The following STARD9 variants were observed in gnomAD, a reference collection of about 807,000 sequenced individuals.
STARD9 encodes the protein StAR related lipid transfer domain containing 9, also known as stAR-related lipid transfer protein 9.
A neutral mutation model predicts 399.8 loss-of-function variants in STARD9; 346 were observed. That is an observed-to-expected ratio of 0.87 (90% confidence interval 0.79 to 0.95). The LOEUF (loss-of-function observed/expected upper bound fraction) is 0.95. Among genes scored for constraint, STARD9 ranks in the 40% least tolerant of loss-of-function variants. STARD9 has a pLI of 0.00. For synonymous variants in STARD9, 2,203 were observed against 2,143.5 expected (o/e 1.03, Z -0.77); for missense variants, 5,832 against 5,667.5 (o/e 1.03, Z -0.93).
intron 18 of STARD9, 171 bp from the exon 19 acceptor site, chr15:42,675,492 AT>A: frequency 1.7e-6 from 1 of 596,400 alleles, no homozygotes. Flanking sequence ...TGTCTGTCTT[AT>A]TAATTCAAGA....
chr15:42,663,190 C>G, intron 11 of STARD9, 91 bp from the exon 12 acceptor site: 1 of 1,193,322 alleles, frequency 8.4e-7, no homozygotes, highest in South Asian at 1.5e-5. Flanking sequence ...AAATATGATA[C>G]TTAAGTCTGT....
intron 3 of STARD9, among the ~76,000 whole-genome samples, chr15:42,603,866 TC>T (rs199708541): frequency 0.017 from 2,514 of 152,216 alleles, 29 homozygotes; most frequent in Admixed American, 0.028. Flanking sequence ...TATCTTTGGT[TC>T]AAAGAACCAA....
Position 42,693,412 on chromosome 15 carries a change from G to C in STARD9, c.11834G>C (p.Arg3945Thr). 1 of 1,537,134 alleles carries C rather than the reference G, an allele frequency of 6.5e-7. No individual in the cohort carries two copies. Among genetic ancestry groups the C allele is most frequent in the Non-Finnish European group, 8.7e-7 (1 of 1,146,880 alleles). Residue 3945 changes from arginine to threonine, a missense_variant, in exon 23 of 33, where the codon AGG becomes ACG. Around this residue, in one of 2 missense-constraint regions of STARD9, gnomAD observed 5,828 missense variants for 5,651.1 expected, o/e 1.03. Coordinates refer to ENST00000290607, the MANE Select transcript of STARD9 (RefSeq NM_020759.3). ...AGCCCAGACCCTGTTGATGCCCCAA[G>C]GACTCCAATGGATAATTATTCCCAA... ...DSSPDPVDAPRTPMDNYSQTT... is the reference protein window; with the variant it reads ...DSSPDPVDAPTTPMDNYSQTT...
intron 3 of STARD9, among the ~76,000 whole-genome samples, chr15:42,624,746 G>A (rs1387842678): frequency 3.3e-5 from 5 of 151,760 alleles, no homozygotes; most frequent in Non-Finnish European, 5.9e-5. Context: ...ACAGGGTTTC[G>A]CCATGTTGGC....
chr15:42,638,673 A>T (rs1279569971), intron 6 of STARD9, 27 bp from the exon 7 acceptor site: 1 of 1,440,390 alleles, frequency 6.9e-7, no homozygotes, highest in African/African-American at 1.4e-5. Context: ...AAATATAATT[A>T]TGTTGCCTTT....
chr15:42,618,738 A>G (rs2059023369), intron 3 of STARD9, among the ~76,000 whole-genome samples: 1 of 152,032 alleles, frequency 6.6e-6, no homozygotes, highest in Non-Finnish European at 1.5e-5. Flanking sequence ...CTGGGACTAC[A>G]GGAGTGCACC....
At chr15:42,682,652 C>T (rs575967205) in intron 22 of STARD9, 77 bp downstream of exon 22, 17 of 1,157,248 alleles carry the variant, frequency 1.5e-5, no homozygotes, top group Non-Finnish European at 1.9e-5. Flanking sequence ...TTCTGTTTTT[C>T]CCCATGCCTC....
At chr15:42,708,303 A>G (rs1328428279) in intron 26 of STARD9, among the ~76,000 whole-genome samples, 1 of 152,264 alleles carries the variant, frequency 6.6e-6, no homozygotes, top group East Asian at 1.9e-4. Flanking sequence ...TTAGCAAACT[A>G]TGGCCCTTTG....
At chr15:42,696,963 G>GT (rs1445514435) in intron 26 of STARD9, among the ~76,000 whole-genome samples, 20 of 152,222 alleles carry the variant, frequency 1.3e-4, no homozygotes, top group Non-Finnish European at 2.5e-4. Flanking sequence ...GAGCTCATAA[G>GT]TAAGATCTGG....
Position 42,689,633 on chromosome 15 carries a change from C to T in STARD9, c.8055C>T (p.Phe2685=), listed in dbSNP as rs561253293. The change falls in exon 23 of 33, where the codon TTC becomes TTT. Residue 2685 remains phenylalanine (F), a synonymous_variant. Coordinates refer to ENST00000290607, the MANE Select transcript of STARD9 (RefSeq NM_020759.3). ...GTCGTACTGGAGAACTGAGGCAGTTCGCGGGAGCAAGTGAACCATTTATAT... is the reference window on the plus strand; with the variant it reads ...GTCGTACTGGAGAACTGAGGCAGTTTGCGGGAGCAAGTGAACCATTTATAT... ...RKRRTGELRQ[F]AGASEPFICH... is the part of the protein sequence containing the mutation. 9.6e-5 allele frequency: 148 copies of T among 1,537,428 alleles called. No individual in the cohort carries two copies. The highest frequency in any genetic ancestry group is 2.2e-4 in the Admixed American group (11 of 50,976).
Position 42,686,316 on chromosome 15 carries a change from A to G in STARD9, c.4738A>G (p.Ser1580Gly), listed in dbSNP as rs1345047897. The G allele has an allele frequency of 2.0e-6, 3 of 1,537,534 alleles. No individual in the cohort carries two copies. Among genetic ancestry groups the G allele is most frequent in the South Asian group, 2.4e-5 (2 of 84,064 alleles). Reference protein sequence around the residue: ...LEGVSDFFSTSEKEASYDETY... With the variant: ...LEGVSDFFSTGEKEASYDETY... The stretch of plus-strand genomic sequence containing the variant: ...AGGTGTTTCAGATTTCTTTAGCACT[A>G]GTGAGAAAGAGGCGAGTTATGACGA... Residue 1580 changes from serine to glycine, a missense_variant, in exon 23 of 33, where the codon AGT becomes GGT. Ser to Gly is a moderately conservative substitution (Grantham distance 56). Coordinates refer to ENST00000290607, the MANE Select transcript of STARD9 (RefSeq NM_020759.3).
At position 42,682,161 on chromosome 15, in the gene STARD9, A is replaced by G; in HGVS notation, c.2123A>G (p.Gln708Arg). 3.3e-6 allele frequency: 5 copies of G among 1,537,252 alleles called. No individual in the cohort carries two copies. Among genetic ancestry groups the G allele is most frequent in the Non-Finnish European group, 4.4e-6 (5 of 1,146,898 alleles). ...TWLASLQQQQ[Q>R]EDQVAEKELE... ...CTGGCCAGCTTGCAACAGCAGCAGC[A>G]AGAAGACCAGGTAGCAGAGAAAGAA... The change falls in exon 22 of 33, where the codon CAA (glutamine) becomes CGA (arginine). Residue 708 changes from glutamine (Q) to arginine (R), a missense_variant. Coordinates refer to ENST00000290607, the MANE Select transcript of STARD9 (RefSeq NM_020759.3).
chr15:42,655,433 A>G (rs1374981596), intron 9 of STARD9, among the ~76,000 whole-genome samples: 1 of 152,242 alleles, frequency 6.6e-6, no homozygotes, highest in South Asian at 2.1e-4. Context: ...AATAAAGCCA[A>G]ATACTTGCAG....
rs1566945714 is a variant in STARD9 at position 42,691,220 on chromosome 15, G to T, written c.9642G>T (p.Gln3214His). The T allele has an allele frequency of 6.5e-7, 1 of 1,537,282 alleles. No homozygotes were observed. Among genetic ancestry groups the T allele is most frequent in the Non-Finnish European group, 8.7e-7 (1 of 1,146,906 alleles). ...QEDSPWQEEE[Q>H]HRDQASGGGE... The stretch of plus-strand genomic sequence containing the variant: ...ACAGTCCCTGGCAGGAAGAAGAGCA[G>T]CACAGAGACCAGGCTTCAGGTGGTG... The change falls in exon 23 of 33, where the codon CAG becomes CAT. Residue 3214 changes from glutamine (Q) to histidine (H), a missense_variant. Transcript: ENST00000290607.
At chr15:42,701,694 A>G (rs185969594) in intron 26 of STARD9, among the ~76,000 whole-genome samples, 1 of 152,228 alleles carries the variant, frequency 6.6e-6, no homozygotes, top group East Asian at 1.9e-4. Context: ...CCAACAGAAG[A>G]TGTTGAAATA....
rs561723739 is a variant in STARD9 at position 42,694,676 on chromosome 15, C to T, written c.12913C>T (p.Arg4305Cys). The T allele has an allele frequency of 1.6e-5, 25 of 1,537,132 alleles. No individual in the cohort carries two copies. The highest frequency in any genetic ancestry group is 9.8e-5 in the East Asian group (4 of 40,904). The change falls in exon 24 of 33, where the codon CGC (arginine) becomes TGC (cysteine). Residue 4305 changes from arginine (R) to cysteine (C), a missense_variant. Transcript: ENST00000290607. ...FIWDLDLPSR[R>C]REYLQQLRKD... Reference sequence around the variant, plus strand: ...CTGGGATCTTGACTTGCCCAGCAGACGCCGAGAATACCTGCAGCAACTGAG... The same window carrying T: ...CTGGGATCTTGACTTGCCCAGCAGATGCCGAGAATACCTGCAGCAACTGAG...
At chr15:42,710,493 T>C (rs1432494269) in intron 26 of STARD9, among the ~76,000 whole-genome samples, 1 of 152,094 alleles carries the variant, frequency 6.6e-6, no homozygotes, top group Non-Finnish European at 1.5e-5. Context: ...AATTCACCAT[T>C]CCCCAGCCCT....
At chr15:42,650,822 C>A (rs1480841686) in intron 7 of STARD9, among the ~76,000 whole-genome samples, 194 bp from the exon 8 acceptor site, 3 of 152,118 alleles carry the variant, frequency 2.0e-5, no homozygotes, top group Non-Finnish European at 4.4e-5. Flanking sequence ...TTCCTAGAGT[C>A]TATCATATAC....
rs185456439 is a variant in STARD9, at chr15:42,685,654, C to G, written c.4076C>G (p.Pro1359Arg). ...SPPGIVGSLC[P>R]SPDMQEFHSC... ...CCAGGAATAGTGGGTTCTTTATGTC[C>G]AAGTCCTGATATGCAGGAATTTCAC... is the stretch of plus-strand genomic sequence containing the variant. The change falls in exon 23 of 33, where the codon CCA becomes CGA. Residue 1359 changes from proline to arginine, a missense_variant. Coordinates refer to ENST00000290607, the MANE Select transcript of STARD9 (RefSeq NM_020759.3). 7.1e-5 allele frequency: 109 copies of G among 1,537,194 alleles called. No homozygotes were observed. In the African/African-American group the frequency reaches 1.4e-3, roughly 19 times the overall value.
Sources: gnomAD v4.1 joint callset for allele counts (sites outside exome capture counted in the v4.1 genomes callset) on GRCh38, gnomAD v4.1.1 for gene constraint, gnomAD v4.1.1 regional missense constraint, MANE v1.5 for transcripts, NCBI Gene and HGNC (gene_info 2026-07-23, HGNC 2026-07-21) for gene names.